KHDRBS2: variants seen among roughly 807,000 people sequenced by gnomAD.
The protein encoded by KHDRBS2 is KH RNA binding domain containing, signal transduction associated 2.
Under a neutral mutation model 44.3 loss-of-function variants are expected in KHDRBS2, and 26 were observed. The observed-to-expected ratio is 0.59, with a 90% CI of 0.43 to 0.81. The LOEUF is 0.81. Ranked by LOEUF, KHDRBS2 falls within the 40% of genes least tolerant of loss-of-function variation. The probability of loss-of-function intolerance (pLI) is 0.00; values close to 1 mark genes in which losing one functional copy is unlikely to be tolerated. For missense variants in KHDRBS2, 476 were observed against 433.1 expected, an observed-to-expected ratio of 1.10 and a Z score of -0.88; for synonymous variants, 194 against 151.1, an observed-to-expected ratio of 1.28 and a Z score of -2.08.
chr6:62,088,095 A>G (rs1798758253), intron 2 of KHDRBS2, among the ~76,000 whole-genome samples: 1 of 152,186 alleles, frequency 6.6e-6, no homozygotes, highest in African/African-American at 2.4e-5. Context: ...CAATTCCTCT[A>G]ACCTCTTCTC....
intron 3 of KHDRBS2, among the ~76,000 whole-genome samples, chr6:62,046,483 T>A (rs993282526): frequency 1.3e-5 from 2 of 151,814 alleles, no homozygotes; most frequent in Admixed American, 1.3e-4. Context: ...GCTGGGGAGA[T>A]GATGACAAGC....
intron 2 of KHDRBS2, among the ~76,000 whole-genome samples, chr6:62,138,557 C>A (rs1470137760): frequency 6.6e-6 from 1 of 152,234 alleles, no homozygotes; most frequent in East Asian, 1.9e-4. Context: ...GATTCTACAG[C>A]GAGTCGCTCA....
intron 1 of KHDRBS2, among the ~76,000 whole-genome samples, chr6:62,188,929 C>CA (rs1824018763): frequency 6.6e-6 from 1 of 152,036 alleles, no homozygotes; most frequent in African/African-American, 2.4e-5. Flanking sequence ...GCCTGACCAA[C>CA]ATGGTGAAAC....
intron 7 of KHDRBS2, among the ~76,000 whole-genome samples, chr6:61,700,566 GC>G (rs1372065721): frequency 6.6e-6 from 1 of 151,314 alleles, no homozygotes; most frequent in Admixed American, 6.6e-5. Flanking sequence ...TGGACAAATG[GC>G]TGCACTAATA....
chr6:61,702,685 T>A (rs1433555847), intron 7 of KHDRBS2, among the ~76,000 whole-genome samples: 1 of 151,976 alleles, frequency 6.6e-6, no homozygotes, highest in East Asian at 1.9e-4. Flanking sequence ...GATGTCCACT[T>A]ATATTGACAG....
At chr6:62,098,203 T>C (rs1801058302) in intron 2 of KHDRBS2, among the ~76,000 whole-genome samples, 1 of 151,932 alleles carries the variant, frequency 6.6e-6, no homozygotes, top group Admixed American at 6.6e-5. Flanking sequence ...ATGAATTTGT[T>C]CATATACTTA....
intron 6 of KHDRBS2, among the ~76,000 whole-genome samples, chr6:61,764,302 T>C (rs1309562744): frequency 6.6e-6 from 1 of 152,196 alleles, no homozygotes; most frequent in African/African-American, 2.4e-5. Context: ...TATGTATATA[T>C]GCAACTTTAT....
chr6:61,951,361 A>G (rs1019037038), intron 4 of KHDRBS2, among the ~76,000 whole-genome samples: 2 of 152,076 alleles, frequency 1.3e-5, no homozygotes, highest in Non-Finnish European at 2.9e-5. Context: ...ATGGGAAAGT[A>G]ACTGGACAAT....
rs543338301 is a variant in KHDRBS2, at chr6:62,006,044, CAG to C, written c.337-27834_337-27833del. 8.6e-5 allele frequency among the ~76,000 whole-genome samples: 13 copies of C among 151,890 alleles called. No homozygotes were observed. The South Asian group carries it at 2.7e-3, about 32-fold the overall frequency. On this transcript the variant is annotated intron_variant, in intron 3 of 8. Transcript: ENST00000281156. ...CCATAGCAGCCTCCAATGTAGAAAA[CAG>C]AATTGAGAAAACAAAATATTCTATG...
At chr6:62,194,647 G>A (rs561579105) in intron 1 of KHDRBS2, among the ~76,000 whole-genome samples, 11 of 150,450 alleles carry the variant, frequency 7.3e-5, no homozygotes, top group Admixed American at 2.7e-4. Flanking sequence ...TTAAAGTTGC[G>A]CCCGCCACCA....
chr6:61,984,654 C>G (rs1317626422), intron 3 of KHDRBS2, among the ~76,000 whole-genome samples: 1 of 152,106 alleles, frequency 6.6e-6, no homozygotes, highest in Admixed American at 6.5e-5. Context: ...GAAAACTTCC[C>G]TTCCCTAAAG....
intron 2 of KHDRBS2, among the ~76,000 whole-genome samples, chr6:62,049,062 T>C (rs1328999142): frequency 5.9e-5 from 9 of 151,922 alleles, no homozygotes; most frequent in Non-Finnish European, 1.3e-4. Flanking sequence ...TCAGTTTTTT[T>C]CCCAAGTCCA....
chr6:62,160,072 G>T (rs537062731), intron 2 of KHDRBS2, among the ~76,000 whole-genome samples: 5 of 152,114 alleles, frequency 3.3e-5, no homozygotes, highest in Non-Finnish European at 7.4e-5. Context: ...TTCTAAGTGA[G>T]TGGGATACAC....
chr6:61,902,768 C>T (rs9354302), intron 4 of KHDRBS2, among the ~76,000 whole-genome samples: 59,156 of 151,542 alleles, frequency 0.39, 11,766 homozygotes, highest in Admixed American at 0.48. Flanking sequence ...CTGCACCAAA[C>T]GATGTCAACG....
chr6:61,911,443 A>G (rs1389135679), intron 4 of KHDRBS2, among the ~76,000 whole-genome samples: 1 of 152,186 alleles, frequency 6.6e-6, no homozygotes, highest in East Asian at 1.9e-4. Context: ...GGTAAACAAC[A>G]ATTAAAGAAA....
chr6:61,877,832 T>C (rs570740615), intron 6 of KHDRBS2, among the ~76,000 whole-genome samples: 1 of 152,124 alleles, frequency 6.6e-6, no homozygotes, highest in East Asian at 1.9e-4. Context: ...AAAATATAGA[T>C]ATTATTTTTC....
chr6:61,616,491 A>G, the KHDRBS2 span, among the ~76,000 whole-genome samples: 2 of 123,446 alleles, frequency 1.6e-5, no homozygotes, highest in South Asian at 2.6e-4. Context: ...ATATATATAT[A>G]TATATATAAT....
intron 2 of KHDRBS2, among the ~76,000 whole-genome samples, chr6:62,134,833 G>T (rs909675581): frequency 6.6e-6 from 1 of 152,066 alleles, no homozygotes; most frequent in African/African-American, 2.4e-5. Context: ...CTTCATTTTG[G>T]CCAATTTCTC....
At chr6:62,104,846 C>A (rs1174181031) in intron 2 of KHDRBS2, among the ~76,000 whole-genome samples, 1 of 151,728 alleles carries the variant, frequency 6.6e-6, no homozygotes, top group African/African-American at 2.4e-5. Flanking sequence ...GTAAAATTAA[C>A]ACAACAGTAG....
Sources: gnomAD v4.1 joint callset for allele counts (sites outside exome capture counted in the v4.1 genomes callset) on GRCh38, gnomAD v4.1.1 for gene constraint, MANE v1.5 for transcripts, NCBI Gene and HGNC (gene_info 2026-07-23, HGNC 2026-07-21) for gene names.